Variants in PBX3 observed in about 807,000 individuals in gnomAD.
The protein encoded by PBX3 is pre-B-cell leukemia transcription factor 3.
A neutral mutation model predicts 48.5 loss-of-function variants in PBX3; 14 were observed. That is an observed-to-expected ratio of 0.29 (90% CI 0.19 to 0.45). The LOEUF is 0.45. Ranked by LOEUF, PBX3 falls within the 20% of genes least tolerant of loss-of-function variation. PBX3 has a pLI of 1.00. For synonymous variants in PBX3, 210 were observed against 200.3 expected (o/e 1.05, Z -0.41); for missense variants, 386 against 546.7 (o/e 0.71, Z 2.93).
At chr9:125,920,691 T>G (rs545690341) in intron 3 of PBX3, among the ~76,000 whole-genome samples, 1 of 152,320 alleles carries the variant, frequency 6.6e-6, no homozygotes, top group South Asian at 2.1e-4. Context: ...AAAAGTGTTG[T>G]AAGGGTCCCA....
intron 2 of PBX3, among the ~76,000 whole-genome samples, chr9:125,868,221 C>G: frequency 6.6e-6 from 1 of 152,060 alleles, no homozygotes. Flanking sequence ...GGCACTGTGC[C>G]AAGCACTTTG....
chr9:125,872,767 GAAAT>G (rs1163484093), intron 2 of PBX3, among the ~76,000 whole-genome samples: 1 of 150,150 alleles, frequency 6.7e-6, no homozygotes, highest in Admixed American at 6.6e-5. Flanking sequence ...CTCAAAAAAA[GAAAT>G]AAAAATATAA....
chr9:125,905,547 T>C (rs2132436237), intron 2 of PBX3, among the ~76,000 whole-genome samples: 2 of 152,130 alleles, frequency 1.3e-5, no homozygotes, highest in South Asian at 4.1e-4. Context: ...TGGATTTTTT[T>C]TTCTTTTTTC....
chr9:125,796,661 A>G (rs1413184500), intron 2 of PBX3, among the ~76,000 whole-genome samples: 1 of 152,154 alleles, frequency 6.6e-6, no homozygotes, highest in Non-Finnish European at 1.5e-5. Context: ...TCATAGGTTG[A>G]GCCCATCCAC....
intron 5 of PBX3, among the ~76,000 whole-genome samples, chr9:125,959,623 A>G (rs1248819993): frequency 6.6e-6 from 1 of 152,216 alleles, no homozygotes; most frequent in African/African-American, 2.4e-5. Context: ...TTCAAACTAC[A>G]TACTACTCCT....
intron 2 of PBX3, among the ~76,000 whole-genome samples, chr9:125,912,424 G>A (rs762939036): frequency 1.3e-5 from 2 of 152,104 alleles, no homozygotes; most frequent in Non-Finnish European, 1.5e-5. Context: ...AAATGCAGTC[G>A]TCTATGCAGA....
At chr9:125,942,036 A>G (rs920041167) in intron 5 of PBX3, among the ~76,000 whole-genome samples, 5 of 152,254 alleles carry the variant, frequency 3.3e-5, no homozygotes, top group Admixed American at 6.5e-5. Context: ...TATTCACTCA[A>G]CCAACATATT....
In PBX3 at chr9:125,817,062, T is replaced by C. The variant is rs933196409; in HGVS notation, c.274+68439T>C. Among the ~76,000 whole-genome samples the C allele has an allele frequency of 4.6e-4, 70 of 152,220 alleles. 1 individual carries two copies. Among genetic ancestry groups the C allele is most frequent in the Non-Finnish European group, 2.1e-4 (14 of 68,032 alleles). ...TTTTTTAATCAACATTTTTTGCTTC[T>C]TAGTCTTTCCAAAATCAGTCATGAA... On this transcript the variant is annotated intron_variant, in intron 2 of 8. Transcript: ENST00000373489.
rs529456063 is a variant in PBX3, at chr9:125,768,866, A to T, written c.274+20243A>T. On this transcript the variant is annotated intron_variant, in intron 2 of 8. Transcript: ENST00000373489. Reference sequence around the variant, plus strand: ...TTTGCTTGAAAGCATGAATTTTATTATTAGCGCCAAAACTGTTTATTGTTT... The same window carrying T: ...TTTGCTTGAAAGCATGAATTTTATTTTTAGCGCCAAAACTGTTTATTGTTT... Among the ~76,000 whole-genome samples the T allele has an allele frequency of 2.1e-4, 32 of 152,338 alleles. 2 individuals are homozygous for T. The South Asian group carries it at 4.6e-3, about 22-fold the overall frequency.
At chr9:125,770,721 T>C (rs778770372) in intron 2 of PBX3, among the ~76,000 whole-genome samples, 2 of 152,176 alleles carry the variant, frequency 1.3e-5, no homozygotes, top group African/African-American at 2.4e-5. Context: ...GAAGCTGCTA[T>C]TGTGGCAATA....
chr9:125,904,523 A>G (rs1841024923), intron 2 of PBX3, among the ~76,000 whole-genome samples: 1 of 151,884 alleles, frequency 6.6e-6, no homozygotes, highest in Non-Finnish European at 1.5e-5. Flanking sequence ...TTTAAGAGCG[A>G]GCCATTATGA....
chr9:125,960,670 C>G lies in PBX3; in HGVS notation c.844-14C>G. On this transcript the variant is annotated splice_polypyrimidine_tract_variant and intron_variant, in intron 5 of 8. Transcript: ENST00000373489. ...CTCTCTTCCCCTTCACCTCCATGTCCCTGCAATTTGTAGGTATCCAATTGG... is the reference window on the plus strand; with the variant it reads ...CTCTCTTCCCCTTCACCTCCATGTCGCTGCAATTTGTAGGTATCCAATTGG... 1 of 1,613,292 alleles carries G rather than the reference C, an allele frequency of 6.2e-7. No homozygotes were observed. Among genetic ancestry groups the G allele is most frequent in the East Asian group, 2.2e-5 (1 of 44,894 alleles).
At chr9:125,823,637 T>C (rs558539927) in intron 2 of PBX3, among the ~76,000 whole-genome samples, 5 of 152,196 alleles carry the variant, frequency 3.3e-5, no homozygotes, top group African/African-American at 1.2e-4. Context: ...GTCTCCTTTT[T>C]TAAAAAAAGA....
Position 125,918,093 on chromosome 9 carries a change from C to G in PBX3, c.516+2166C>G, listed in dbSNP as rs550970963. 1.4e-3 allele frequency among the ~76,000 whole-genome samples: 208 copies of G among 152,302 alleles called. 1 individual carries two copies. Among genetic ancestry groups the G allele is most frequent in the African/African-American group, 4.7e-3 (197 of 41,568 alleles). ...ACTATAACTACTTACTAGATAAACA[C>G]TACCAGTCACCTTGCATGGAAAGAG... On this transcript the variant is annotated intron_variant, in intron 3 of 8. Transcript: ENST00000373489.
At chr9:125,866,542 C>T (rs1424687192) in intron 2 of PBX3, among the ~76,000 whole-genome samples, 4 of 152,154 alleles carry the variant, frequency 2.6e-5, no homozygotes, top group Non-Finnish European at 5.9e-5. Flanking sequence ...AAAGACATCT[C>T]TCTGCCTAGA....
At chr9:125,788,916 C>A (rs1837528514) in intron 2 of PBX3, among the ~76,000 whole-genome samples, 2 of 151,504 alleles carry the variant, frequency 1.3e-5, no homozygotes, top group South Asian at 4.2e-4. Context: ...CTTCCCTAAT[C>A]CCATTTCCCT....
chr9:125,849,396 G>T (rs1225757946), intron 2 of PBX3, among the ~76,000 whole-genome samples: 1 of 151,850 alleles, frequency 6.6e-6, no homozygotes, highest in African/African-American at 2.4e-5. Context: ...TAATGTAGGA[G>T]TCAGTTTGTT....
At chr9:125,829,307 A>G (rs1838892267) in intron 2 of PBX3, among the ~76,000 whole-genome samples, 1 of 152,146 alleles carries the variant, frequency 6.6e-6, no homozygotes, top group East Asian at 1.9e-4. Context: ...CTACATCATT[A>G]CAAGATTCAT....
chr9:125,897,774 A>G (rs1840808959), intron 2 of PBX3, among the ~76,000 whole-genome samples: 1 of 151,922 alleles, frequency 6.6e-6, no homozygotes, highest in Non-Finnish European at 1.5e-5. Context: ...TGTATTAGAC[A>G]TGGCCAGAAT....
Sources: gnomAD v4.1 joint callset for allele counts (sites outside exome capture counted in the v4.1 genomes callset) on GRCh38, gnomAD v4.1.1 for gene constraint, MANE v1.5 for transcripts, NCBI Gene and HGNC (gene_info 2026-07-23, HGNC 2026-07-21) for gene names.